ADGRV1: variants seen among roughly 807,000 people sequenced by gnomAD.
The protein encoded by ADGRV1 is adhesion G protein-coupled receptor V1, also known as G-protein coupled receptor 98.
ADGRV1 carries 359 observed loss-of-function variants against 596.2 expected under a neutral mutation model. The observed-to-expected ratio is 0.60, with a 90% CI of 0.55 to 0.66. The LOEUF is 0.66. Among genes scored for constraint, ADGRV1 ranks in the 30% least tolerant of loss-of-function variants. The pLI, the probability that ADGRV1 is intolerant of heterozygous loss-of-function variation, is 0.00. For missense variants in ADGRV1, 7,274 were observed against 7,575.6 expected (o/e 0.96, Z 1.48); for synonymous variants, 2,681 against 2,679.2 (o/e 1.00, Z -0.02).
chr5:90,928,801 T>A (rs2150784720), intron 83 of ADGRV1, among the ~76,000 whole-genome samples: 2 of 151,720 alleles, frequency 1.3e-5, no homozygotes, highest in Admixed American at 6.5e-5. Context: ...GATGTACAGA[T>A]GGGTTTTTGG....
chr5:90,798,131 C>G (rs772764562), intron 70 of ADGRV1, among the ~76,000 whole-genome samples: 6 of 152,036 alleles, frequency 3.9e-5, no homozygotes, highest in Non-Finnish European at 7.4e-5. Context: ...TCAATCAATC[C>G]AGTAGCTGAT....
chr5:91,000,668 CTGTGTGTGTG>C (rs6149110), intron 85 of ADGRV1, among the ~76,000 whole-genome samples: 43 of 141,248 alleles, frequency 3.0e-4, no homozygotes, highest in South Asian at 1.9e-3. Flanking sequence ...CTTACAGGAT[CTGTGTGTGTG>C]TGTGTGTGTG....
At position 90,965,862 on chromosome 5, in the gene ADGRV1, C is replaced by A. The variant is rs1479809839; in HGVS notation, c.17973+331C>A. 2.0e-5 allele frequency among the ~76,000 whole-genome samples: 3 copies of A among 152,194 alleles called. No homozygotes were observed. The East Asian group carries it at 5.8e-4, about 29-fold the overall frequency. On this transcript the variant is annotated intron_variant, in intron 84 of 89. Transcript: ENST00000405460. Reference sequence around the variant, plus strand: ...AGAATGATTTTAAGCAAAGGAGTGACATGATAAGATTTAGATTTTAGAAAG... The same window carrying A: ...AGAATGATTTTAAGCAAAGGAGTGAAATGATAAGATTTAGATTTTAGAAAG...
intron 85 of ADGRV1, among the ~76,000 whole-genome samples, chr5:91,052,942 T>C (rs1231543931): frequency 6.6e-6 from 1 of 152,186 alleles, no homozygotes; most frequent in Admixed American, 6.5e-5. Flanking sequence ...TATTAATGCT[T>C]TCTTCAGCTG....
chr5:91,035,861 T>TATAATATATATATATAATA, intron 85 of ADGRV1, among the ~76,000 whole-genome samples: 1 of 96,404 alleles, frequency 1.0e-5, no homozygotes, highest in East Asian at 2.5e-4. Context: ...TATATATATA[T>TATAATATATATATATAATA]TATATATATA....
intron 85 of ADGRV1, among the ~76,000 whole-genome samples, chr5:91,061,925 A>G (rs1787471060): frequency 6.6e-6 from 1 of 152,166 alleles, no homozygotes; most frequent in Non-Finnish European, 1.5e-5. Flanking sequence ...TGTTTTAACT[A>G]TGGTCATTGT....
intron 83 of ADGRV1, among the ~76,000 whole-genome samples, chr5:90,926,613 T>A (rs1446067296): frequency 6.6e-6 from 1 of 151,834 alleles, no homozygotes; most frequent in Non-Finnish European, 1.5e-5. Context: ...TTTTGAAGGG[T>A]TTTTTGTGTC....
intron 57 of ADGRV1, among the ~76,000 whole-genome samples, chr5:90,758,157 C>G (rs957239213): frequency 1.3e-5 from 2 of 151,924 alleles, no homozygotes; most frequent in Admixed American, 6.6e-5. Flanking sequence ...ACAGTGAAAC[C>G]CCGTCTGTAC....
chr5:90,812,789 A>C (rs1762552943), intron 74 of ADGRV1, among the ~76,000 whole-genome samples: 2 of 152,098 alleles, frequency 1.3e-5, no homozygotes, highest in Admixed American at 6.6e-5. Flanking sequence ...CAAGTTATTT[A>C]CTGATTTTGA....
intron 83 of ADGRV1, 46 bp from the exon 84 acceptor site, chr5:90,965,369 A>G: frequency 8.5e-7 from 1 of 1,176,652 alleles, no homozygotes; most frequent in Non-Finnish European, 1.3e-6. Context: ...AATATTCTTC[A>G]TCGATTTTAG....
intron 88 of ADGRV1, among the ~76,000 whole-genome samples, chr5:91,151,065 T>A (rs1796012347): frequency 6.6e-6 from 1 of 152,160 alleles, no homozygotes; most frequent in Non-Finnish European, 1.5e-5. Context: ...AAAACAGTAT[T>A]TGTGTTTACT....
chr5:91,126,618 T>C (rs1793782407), intron 87 of ADGRV1, among the ~76,000 whole-genome samples: 1 of 152,170 alleles, frequency 6.6e-6, no homozygotes, highest in Non-Finnish European at 1.5e-5. Context: ...TGGAAGTGCA[T>C]ATTTTTCATG....
At chr5:90,872,187 G>C (rs906856947) in intron 83 of ADGRV1, among the ~76,000 whole-genome samples, 4 of 152,102 alleles carry the variant, frequency 2.6e-5, no homozygotes, top group Non-Finnish European at 4.4e-5. Flanking sequence ...CTGTAACTGT[G>C]CCTTTCCTTG....
intron 83 of ADGRV1, among the ~76,000 whole-genome samples, chr5:90,883,902 C>T (rs538552568): frequency 1.4e-4 from 22 of 152,238 alleles, no homozygotes; most frequent in African/African-American, 5.1e-4. Context: ...GTTTGACAGT[C>T]GAGTTCTCTT....
Position 90,852,309 on chromosome 5 carries a change from C to T in ADGRV1, c.17205-975C>T, listed in dbSNP as rs560768736. ...TTAAAATTCTCTGCTCCATTTCCTA[C>T]GTCTGGGGTCTTGACAAGATATCAT... On this transcript the variant is annotated intron_variant, in intron 79 of 89. Coordinates refer to ENST00000405460, the MANE Select transcript of ADGRV1 (RefSeq NM_032119.4). Among the ~76,000 whole-genome samples, 11 of 152,302 alleles carry T rather than the reference C, an allele frequency of 7.2e-5. 1 individual carries two copies. Among genetic ancestry groups the T allele is most frequent in the East Asian group, 1.9e-4 (1 of 5,188 alleles).
chr5:90,964,182 G>C (rs1778258196), intron 83 of ADGRV1, among the ~76,000 whole-genome samples: 1 of 151,988 alleles, frequency 6.6e-6, no homozygotes. Context: ...ACAACATTTT[G>C]TTCCATGGTC....
chr5:91,057,689 A>AT (rs1159464868), intron 85 of ADGRV1, among the ~76,000 whole-genome samples: 6 of 152,024 alleles, frequency 3.9e-5, no homozygotes, highest in Non-Finnish European at 5.9e-5. Flanking sequence ...ACTGAAGCCA[A>AT]TTTTTTTTGG....
rs1356030835 is a variant in ADGRV1 at position 90,745,070 on chromosome 5, A to G, written c.10574A>G (p.Asp3525Gly). 3.1e-6 allele frequency: 5 copies of G among 1,613,666 alleles called. No homozygotes were observed. Among genetic ancestry groups the G allele is most frequent in the Non-Finnish European group, 4.2e-6 (5 of 1,179,716 alleles). Residue 3525 changes from aspartate to glycine, a missense_variant, in exon 51 of 90, where the codon GAT becomes GGT. Asp to Gly is a moderately conservative substitution (Grantham distance 94). Transcript: ENST00000405460. The stretch of plus-strand genomic sequence containing the variant: ...GCCCACATACTTCTTATTGGCCAAG[A>G]TATGTCTGCTCTTTACTGCTGGAAT... The part of the protein sequence containing the change: ...GIAHILLIGQ[D>G]MSALYCWNSE...
Position 90,759,540 on chromosome 5 carries a change from T to C in ADGRV1, c.12072T>C (p.Ile4024=). 1 of 1,613,382 alleles carries C rather than the reference T, an allele frequency of 6.2e-7. No individual in the cohort carries two copies. The highest frequency in any genetic ancestry group is 2.2e-5 in the East Asian group (1 of 44,860). ...LGDDVVVTVV[I]PQNDSPFGVF... is the part of the protein sequence containing the mutation. ...ATGATGTTGTGGTAACTGTTGTTAT[T>C]CCACAAAATGATTCTCCATTTGGAG... is the stretch of plus-strand genomic sequence containing the variant. The change falls in exon 58 of 90, where the codon ATT becomes ATC. Residue 4024 remains isoleucine, a synonymous_variant. Coordinates refer to ENST00000405460, the MANE Select transcript of ADGRV1 (RefSeq NM_032119.4).
Sources: allele counts gnomAD v4.1 joint callset (sites outside exome capture counted in the v4.1 genomes callset), GRCh38; gene constraint gnomAD v4.1.1; transcripts MANE v1.5; gene names NCBI Gene and HGNC (gene_info 2026-07-23, HGNC 2026-07-21).